SCN1A: variants seen among roughly 807,000 people sequenced by gnomAD.
SCN1A encodes sodium voltage-gated channel alpha subunit 1.
In SCN1A, 13 loss-of-function variants were observed where a neutral mutation model predicts 193.7. The observed-to-expected ratio is 0.07, with a 90% CI of 0.04 to 0.11. The LOEUF is 0.11. Ranked by LOEUF, SCN1A falls within the 10% of genes least tolerant of loss-of-function variation. SCN1A has a pLI of 1.00. For synonymous variants in SCN1A, 781 were observed against 843.6 expected (o/e 0.93, Z 1.29); for missense variants, 1,432 against 2,451.1 (o/e 0.58, Z 8.78).
At chr2:166,132,842 C>A (rs1048770095), upstream of SCN1A, among the ~76,000 whole-genome samples, 1 of 152,072 alleles carries the variant, frequency 6.6e-6, no homozygotes, top group Non-Finnish European at 1.5e-5. Context: ...CTCCCCGCAA[C>A]TGGAATTCAC....
At chr2:166,121,535 T>C (rs1447070503) in intron 2 of SCN1A, among the ~76,000 whole-genome samples, 1 of 152,196 alleles carries the variant, frequency 6.6e-6, no homozygotes, top group Non-Finnish European at 1.5e-5. Flanking sequence ...TCACCATCAT[T>C]TTATTTCTGC....
chr2:166,039,897 G>A (rs781700227), intron 16 of SCN1A, among the ~76,000 whole-genome samples: 189 of 144,384 alleles, frequency 1.3e-3, no homozygotes, highest in Middle Eastern at 3.8e-3. Flanking sequence ...ACTAGGATTT[G>A]AGTACAAGTC....
At chr2:166,097,002 T>G (rs1687454419) in intron 2 of SCN1A, among the ~76,000 whole-genome samples, 1 of 151,046 alleles carries the variant, frequency 6.6e-6, no homozygotes, top group Admixed American at 6.6e-5. Context: ...TCTTTCTTCT[T>G]TGTGTGTGTT....
chr2:166,142,565 C>T (rs1692133204), intron 1 of SCN1A, among the ~76,000 whole-genome samples: 1 of 152,182 alleles, frequency 6.6e-6, no homozygotes, highest in Non-Finnish European at 1.5e-5. Flanking sequence ...GCTACTTTCC[C>T]TTCTCCCAGC....
chr2:166,134,902 G>A (rs1461020579), intron 1 of SCN1A, among the ~76,000 whole-genome samples: 2 of 152,066 alleles, frequency 1.3e-5, no homozygotes, highest in Non-Finnish European at 2.9e-5. Flanking sequence ...AATATTTAAA[G>A]CATTATCTCC....
chr2:166,144,401 C>T (rs969581542), intron 1 of SCN1A, among the ~76,000 whole-genome samples: 24 of 152,226 alleles, frequency 1.6e-4, no homozygotes, highest in Admixed American at 1.4e-3. Flanking sequence ...GAATTATTCC[C>T]TCTTAAGGGG....
At chr2:166,032,030 A>G (rs1695625251) in intron 19 of SCN1A, among the ~76,000 whole-genome samples, 1 of 152,124 alleles carries the variant, frequency 6.6e-6, no homozygotes, top group Non-Finnish European at 1.5e-5. Context: ...CATTAATATA[A>G]TTTTGGAGGT....
chr2:166,000,895 G>GT (rs35503358), intron 24 of SCN1A, among the ~76,000 whole-genome samples: 20,977 of 139,386 alleles, frequency 0.15, 1,747 homozygotes, highest in East Asian at 0.34. Flanking sequence ...ATTTTAGAGG[G>GT]TTTTTTTTTT....
chr2:166,043,919 A>G lies in SCN1A; in HGVS notation c.1793T>C (p.Phe598Ser). ...NDFADDEHST[F>S]EDNESRRDSL... ...ATCTCTACGGCTCTCGTTATCCTCAAAGGTGCTGTGCTCATCATCTGCGAA... is the reference window on the plus strand; with the variant it reads ...ATCTCTACGGCTCTCGTTATCCTCAGAGGTGCTGTGCTCATCATCTGCGAA... The change falls in exon 14 of 29, where the codon TTT becomes TCT. Residue 598 changes from phenylalanine to serine, a missense_variant. Physicochemically the swap from Phe to Ser is radical, Grantham distance 155. Coordinates refer to ENST00000674923, the MANE Select transcript of SCN1A (RefSeq NM_001165963.4). 6.2e-7 allele frequency: 1 copy of G among 1,614,080 alleles called. No homozygotes were observed. The highest frequency in any genetic ancestry group is 8.5e-7 in the Non-Finnish European group (1 of 1,180,014).
At chr2:166,046,381 A>G (rs939558183) in intron 12 of SCN1A, among the ~76,000 whole-genome samples, 2 of 152,178 alleles carry the variant, frequency 1.3e-5, no homozygotes, top group South Asian at 2.1e-4. Flanking sequence ...AGTTAAAGAA[A>G]AAAGGAGACT....
chr2:166,102,768 A>G (rs746005158), intron 2 of SCN1A, among the ~76,000 whole-genome samples: 2 of 152,176 alleles, frequency 1.3e-5, no homozygotes, highest in African/African-American at 4.8e-5. Flanking sequence ...TTGCAGCACT[A>G]TTCACAATAG....
Position 166,010,007 on chromosome 2 carries a change from G to A in SCN1A, c.3880-166C>T, listed in dbSNP as rs927154263. On this transcript the variant is annotated intron_variant, in intron 22 of 28. Transcript: ENST00000674923. ...ATTAAAGAAATAATTTCAGTTTGAT[G>A]TAAAGGATGTAATTTTTAGGACATT... Among the ~76,000 whole-genome samples, 51 of 150,626 alleles carry A rather than the reference G, an allele frequency of 3.4e-4. 1 individual carries two copies. Among genetic ancestry groups the A allele is most frequent in the Non-Finnish European group, 4.5e-5 (3 of 67,234 alleles).
intron 19 of SCN1A, among the ~76,000 whole-genome samples, chr2:166,021,399 C>T (rs1004820573): frequency 1.3e-5 from 2 of 152,068 alleles, no homozygotes; most frequent in Non-Finnish European, 2.9e-5. Flanking sequence ...AATAAGTTCA[C>T]AAGTGACCGA....
rs121917914 is a variant in SCN1A at position 165,992,387 on chromosome 2, C to G, written c.4888G>C (p.Val1630Leu). 1 of 1,613,496 alleles carries G rather than the reference C, an allele frequency of 6.2e-7. No homozygotes were observed. The highest frequency in any genetic ancestry group is 8.5e-7 in the Non-Finnish European group (1 of 1,179,720). The part of the protein sequence containing the change: ...FLAELIEKYF[V>L]SPTLFRVIRL... Reference sequence around the variant, plus strand: ...ATCACTCGGAACAGGGTAGGGGACACGAAATACTTTTCTATCAGCTCGGCA... The same window carrying G: ...ATCACTCGGAACAGGGTAGGGGACAGGAAATACTTTTCTATCAGCTCGGCA... The change falls in exon 29 of 29, where the codon GTG (valine) becomes CTG (leucine). Residue 1630 changes from valine to leucine, a missense_variant. Physicochemically the swap from Val to Leu is conservative, Grantham distance 32. Around this residue, in one of 18 missense-constraint regions of SCN1A, gnomAD observed 85 missense variants for 213.2 expected, o/e 0.40. Transcript: ENST00000674923. This position sits in a 1 kb window ranked among gnomAD's most constrained non-coding sequence, Gnocchi z 6.5.
At chr2:166,044,997 T>C (rs1003565736) in intron 13 of SCN1A, 46 bp downstream of exon 13, 11 of 1,593,646 alleles carry the variant, frequency 6.9e-6, no homozygotes, top group South Asian at 1.1e-5. Flanking sequence ...CTCTCTCCCA[T>C]GTTTTAATTT....
At chr2:166,123,459 T>C (rs1173027662) in intron 2 of SCN1A, 3 of 152,124 alleles carry the variant, frequency 2.0e-5, no homozygotes, top group Non-Finnish European at 2.9e-5. Context: ...CATCAAATAG[T>C]ACCTTTTCAA....
chr2:166,011,113 G>A (rs1692378988), intron 22 of SCN1A, among the ~76,000 whole-genome samples: 1 of 151,058 alleles, frequency 6.6e-6, no homozygotes, highest in South Asian at 2.1e-4. Flanking sequence ...CTTCCTTTGA[G>A]ATTTCTCTCA....
chr2:165,992,183 C>T lies in SCN1A; in HGVS notation c.5092G>A (p.Glu1698Lys), dbSNP rs548487014. ...GMSNFAYVKR[E>K]VGIDDMFNFE... is the part of the protein sequence containing the mutation. ...TTGAACATGTCATCGATCCCAACTTCCCTCTTAACATAGGCAAAGTTGGAC... is the reference window on the plus strand; with the variant it reads ...TTGAACATGTCATCGATCCCAACTTTCCTCTTAACATAGGCAAAGTTGGAC... Residue 1698 changes from glutamate (E) to lysine (K), a missense_variant, in exon 29 of 29, where the codon GAA (glutamate) becomes AAA (lysine). By Grantham distance (56) the Glu-to-Lys change is moderately conservative. This residue lies in a region of SCN1A where 85 missense variants were observed against 213.2 expected (regional missense o/e 0.40). Coordinates refer to ENST00000674923, the MANE Select transcript of SCN1A (RefSeq NM_001165963.4). This position sits in a 1 kb window ranked among gnomAD's most constrained non-coding sequence, Gnocchi z 6.5. 1.2e-6 allele frequency: 2 copies of T among 1,613,722 alleles called. No individual in the cohort carries two copies. The highest frequency in any genetic ancestry group is 2.7e-5 in the African/African-American group (2 of 74,846).
At chr2:166,108,523 C>T (rs187372859) in intron 2 of SCN1A, among the ~76,000 whole-genome samples, 8 of 152,036 alleles carry the variant, frequency 5.3e-5, no homozygotes, top group Non-Finnish European at 7.4e-5. Flanking sequence ...TCATAGCAGC[C>T]TTATTAACAA....
Sources: allele counts gnomAD v4.1 joint callset (sites outside exome capture counted in the v4.1 genomes callset), GRCh38; gene constraint gnomAD v4.1.1; regional missense constraint gnomAD v4.1.1; non-coding constraint Gnocchi (gnomAD v3.1); transcripts MANE v1.5; gene names NCBI Gene and HGNC (gene_info 2026-07-23, HGNC 2026-07-21).